LPP: variants seen among roughly 807,000 people sequenced by gnomAD.
LPP encodes the protein lipoma-preferred partner.
LPP carries 38 observed loss-of-function variants against 60.4 expected under a neutral mutation model. The ratio of observed to expected loss-of-function variants is 0.63; its 90% CI spans 0.49 to 0.83. LPP has a LOEUF of 0.83. Ranked by LOEUF, LPP falls within the 40% of genes least tolerant of loss-of-function variation. LPP has a pLI of 0.00. For missense variants in LPP, 902 were observed against 783.6 expected (o/e 1.15, Z -1.80); for synonymous variants, 328 against 290.8 (o/e 1.13, Z -1.30).
Position 188,607,388 on chromosome 3 carries a change from T to G in LPP, c.430-1773T>G, listed in dbSNP as rs1305113643. The stretch of plus-strand genomic sequence containing the variant: ...AATAGAAGATATATATATATATATA[T>G]ATATATATATATATATATATATATA... On this transcript the variant is annotated intron_variant, in intron 6 of 11. Coordinates refer to ENST00000617246, the MANE Select transcript of LPP (RefSeq NM_001375462.1). Among the ~76,000 whole-genome samples, 4 of 25,044 alleles carry G rather than the reference T, an allele frequency of 1.6e-4. No homozygotes were observed. The South Asian group carries it at 6.8e-3, about 42-fold the overall frequency. 16.4% of individuals were successfully genotyped at this position (25,044 alleles called of 152,430 possible). A position where few individuals can be genotyped will look rare whatever the true frequency, so the allele number is the denominator to read the frequency against.
At chr3:188,207,485 G>A (rs968467419) in intron 1 of LPP, among the ~76,000 whole-genome samples, 2 of 151,896 alleles carry the variant, frequency 1.3e-5, no homozygotes, top group Non-Finnish European at 2.9e-5. Context: ...GCCTGCCTCG[G>A]CCTCCCAAAG....
At chr3:188,300,454 A>AT (rs34492581) in intron 2 of LPP, among the ~76,000 whole-genome samples, 31,087 of 124,994 alleles carry the variant, frequency 0.25, 3,975 homozygotes, top group East Asian at 0.37. Context: ...ACACTTGGCC[A>AT]TTTTTTTTTT....
chr3:188,695,067 C>G (rs1862958155), intron 7 of LPP, among the ~76,000 whole-genome samples: 2 of 152,140 alleles, frequency 1.3e-5, no homozygotes, highest in South Asian at 4.1e-4. Context: ...TGTACTCCAG[C>G]TTTCTCATTT....
intron 3 of LPP, among the ~76,000 whole-genome samples, chr3:188,385,057 G>T (rs1224971671): frequency 6.6e-6 from 1 of 151,590 alleles, no homozygotes; most frequent in Non-Finnish European, 1.5e-5. Context: ...TAGGGATCTA[G>T]TTGCTTACTT....
intron 3 of LPP, among the ~76,000 whole-genome samples, chr3:188,388,555 C>A (rs112860523): frequency 1.3e-5 from 2 of 152,036 alleles, no homozygotes; most frequent in African/African-American, 4.8e-5. Context: ...GGCAACTGCA[C>A]GTGGAATTAA....
intron 2 of LPP, among the ~76,000 whole-genome samples, chr3:188,255,355 C>T (rs1731306433): frequency 6.6e-6 from 1 of 152,200 alleles, no homozygotes; most frequent in African/African-American, 2.4e-5. Context: ...CTAGTGTTCA[C>T]AGAACTGAGA....
chr3:188,661,828 G>A (rs1854645089), intron 7 of LPP, among the ~76,000 whole-genome samples: 1 of 152,138 alleles, frequency 6.6e-6, no homozygotes, highest in Non-Finnish European at 1.5e-5. Context: ...CTAACTTGAG[G>A]GAAGCTGATT....
chr3:188,632,853 C>T (rs1005650850), intron 7 of LPP, among the ~76,000 whole-genome samples: 4 of 152,118 alleles, frequency 2.6e-5, no homozygotes, highest in African/African-American at 7.2e-5. Context: ...ACCCCACGTT[C>T]GTTTTCATTA....
chr3:188,636,610 C>T (rs1304490422), intron 7 of LPP, among the ~76,000 whole-genome samples: 1 of 152,180 alleles, frequency 6.6e-6, no homozygotes, highest in Admixed American at 6.5e-5. Flanking sequence ...GCCCAGGGCA[C>T]AGACAAACAA....
chr3:188,240,257 T>C (rs181277743), intron 2 of LPP: 2 of 172,650 alleles, frequency 1.2e-5, no homozygotes, highest in East Asian at 1.0e-4. Context: ...AGCCAAAAAG[T>C]AGTGAGGGGG....
At chr3:188,653,009 T>C (rs1049558262) in intron 7 of LPP, among the ~76,000 whole-genome samples, 2 of 152,222 alleles carry the variant, frequency 1.3e-5, no homozygotes, top group East Asian at 1.9e-4. Context: ...TGTGTGTCTT[T>C]TTCCTCAGGC....
intron 2 of LPP, among the ~76,000 whole-genome samples, chr3:188,276,894 C>CTTTTTTTTTTTTTTTTTTTTTTT (rs1203656488): frequency 2.6e-5 from 1 of 38,206 alleles, no homozygotes; most frequent in African/African-American, 9.8e-5. Flanking sequence ...CTTTTCTTTT[C>CTTTTTTTTTTTTTTTTTTTTTTT]TTTTTTTTTT....
intron 7 of LPP, among the ~76,000 whole-genome samples, chr3:188,667,752 G>T (rs1856113042): frequency 6.7e-6 from 1 of 149,604 alleles, no homozygotes; most frequent in Admixed American, 6.8e-5. Context: ...TTAGTCCACT[G>T]TGTTAACAGG....
At chr3:188,377,828 T>C (rs548140825) in intron 3 of LPP, among the ~76,000 whole-genome samples, 1 of 152,172 alleles carries the variant, frequency 6.6e-6, no homozygotes, top group African/African-American at 2.4e-5. Flanking sequence ...TTTTCCCATC[T>C]TTGTGGTTTT....
intron 2 of LPP, among the ~76,000 whole-genome samples, chr3:188,296,100 GATCGTGAAT>G (rs1228137173): frequency 6.6e-6 from 1 of 152,172 alleles, no homozygotes; most frequent in Non-Finnish European, 1.5e-5. Flanking sequence ...GGTTAAGCAA[GATCGTGAAT>G]ATAATGCTCT....
chr3:188,476,116 T>C (rs2149574380), intron 4 of LPP, among the ~76,000 whole-genome samples: 1 of 152,262 alleles, frequency 6.6e-6, no homozygotes, highest in South Asian at 2.1e-4. Flanking sequence ...ATCATAGCCC[T>C]TCTCACCATG....
At chr3:188,713,931 A>C (rs1354846969) in intron 8 of LPP, among the ~76,000 whole-genome samples, 1 of 152,100 alleles carries the variant, frequency 6.6e-6, no homozygotes, top group African/African-American at 2.4e-5. Context: ...CCAGACATAC[A>C]CATCTTCTAT....
At chr3:188,222,734 GA>G (rs1374583580) in intron 1 of LPP, among the ~76,000 whole-genome samples, 1 of 152,028 alleles carries the variant, frequency 6.6e-6, no homozygotes, top group African/African-American at 2.4e-5. Context: ...CTTGTTTAAT[GA>G]ATCTAGATTA....
intron 6 of LPP, among the ~76,000 whole-genome samples, chr3:188,561,246 T>G (rs1225126074): frequency 6.6e-6 from 1 of 152,126 alleles, no homozygotes; most frequent in Non-Finnish European, 1.5e-5. Context: ...AATTTACCAT[T>G]GCCATTGGCT....
Sources: allele counts gnomAD v4.1 joint callset (sites outside exome capture counted in the v4.1 genomes callset), GRCh38; gene constraint gnomAD v4.1.1; transcripts MANE v1.5; gene names NCBI Gene and HGNC (gene_info 2026-07-23, HGNC 2026-07-21).